The following BRD10 variants were observed in gnomAD, a reference collection of about 807,000 sequenced individuals.
BRD10 encodes the protein uncharacterized bromodomain-containing protein 10.
chr9:5,880,582 C>G, the BRD10 span, among the ~76,000 whole-genome samples: 1 of 152,148 alleles, frequency 6.6e-6, no homozygotes, highest in Non-Finnish European at 1.5e-5. Context: ...CTTAAAAAGT[C>G]TGAATTAGTT....
At chr9:5,890,681 A>G in the BRD10 span, 10 of 152,332 alleles carry the variant, frequency 6.6e-5, 1 homozygote, top group African/African-American at 2.4e-4. Context: ...TTTAAAATAA[A>G]TGGCTTCCCT....
At chr9:5,919,174 T>G in the BRD10 span, 49 of 153,238 alleles carry the variant, frequency 3.2e-4, 1 homozygote, top group African/African-American at 1.1e-3. Flanking sequence ...TTAGTACAGG[T>G]TGTTAGGGAT....
the BRD10 span, among the ~76,000 whole-genome samples, chr9:5,956,785 A>G: frequency 6.6e-6 from 1 of 152,158 alleles, no homozygotes; most frequent in East Asian, 1.9e-4. Flanking sequence ...TGTAATACTT[A>G]ACTTAGAGTA....
chr9:5,937,941 A>G, the BRD10 span, among the ~76,000 whole-genome samples: 1 of 152,190 alleles, frequency 6.6e-6, no homozygotes, highest in Admixed American at 6.5e-5. Flanking sequence ...ATTTCCTATC[A>G]TCTAGGTCCC....
the BRD10 span, chr9:5,921,618 T>C: frequency 3.1e-6 from 5 of 1,614,018 alleles, no homozygotes; most frequent in Non-Finnish European, 4.2e-6. Context: ...TCTCCATTTG[T>C]TGCTGCTGTT....
At chr9:5,951,859 T>C in the BRD10 span, among the ~76,000 whole-genome samples, 4 of 152,108 alleles carry the variant, frequency 2.6e-5, no homozygotes, top group African/African-American at 9.7e-5. Flanking sequence ...TCTTTATGAG[T>C]AATGCCGTGG....
At chr9:5,955,939 G>T in the BRD10 span, among the ~76,000 whole-genome samples, 3 of 151,926 alleles carry the variant, frequency 2.0e-5, no homozygotes, top group African/African-American at 2.4e-5. Context: ...TGCTGAAGGG[G>T]GCTCATGAAT....
chr9:5,882,358 C>A, the BRD10 span, among the ~76,000 whole-genome samples: 1 of 152,140 alleles, frequency 6.6e-6, no homozygotes, highest in African/African-American at 2.4e-5. Context: ...ACACTTTATG[C>A]CTGAGCAAGG....
chr9:5,995,717 G>C, the BRD10 span, among the ~76,000 whole-genome samples: 1 of 152,120 alleles, frequency 6.6e-6, no homozygotes, highest in African/African-American at 2.4e-5. Context: ...ACTTGAATTG[G>C]ACTTTGCAGA....
chr9:6,008,033 C>T, the BRD10 span: 3 of 1,166,550 alleles, frequency 2.6e-6, no homozygotes, highest in South Asian at 8.0e-5. Context: ...CCCTCCTCTC[C>T]CCTCCCCCCC....
At chr9:5,991,063 C>T in the BRD10 span, among the ~76,000 whole-genome samples, 1 of 152,040 alleles carries the variant, frequency 6.6e-6, no homozygotes, top group Non-Finnish European at 1.5e-5. Flanking sequence ...TATATGTATT[C>T]ACTGTTAAAG....
chr9:5,908,890 A>G, the BRD10 span: 1 of 574,066 alleles, frequency 1.7e-6, no homozygotes, highest in Admixed American at 3.2e-5. Flanking sequence ...TGAGGAAATG[A>G]TGAGAAATAT....
chr9:6,005,238 C>T, the BRD10 span, among the ~76,000 whole-genome samples: 2 of 152,286 alleles, frequency 1.3e-5, no homozygotes, highest in Non-Finnish European at 2.9e-5. Flanking sequence ...AGGCCGGGCG[C>T]GGTGGCTAGG....
chr9:6,008,427 A>G, the BRD10 span, among the ~76,000 whole-genome samples: 1 of 151,756 alleles, frequency 6.6e-6, no homozygotes, highest in Non-Finnish European at 1.5e-5. Flanking sequence ...GGCTGGGAAG[A>G]GCTGTGGAGA....
At chr9:5,943,594 A>C in the BRD10 span, among the ~76,000 whole-genome samples, 9 of 152,096 alleles carry the variant, frequency 5.9e-5, no homozygotes, top group Admixed American at 2.6e-4. Flanking sequence ...CATTTACATA[A>C]CATAAATATT....
chr9:5,897,456 G>A, the BRD10 span: 1 of 1,058,948 alleles, frequency 9.4e-7, no homozygotes, highest in Non-Finnish European at 1.5e-6. Flanking sequence ...TGCTGCTCTG[G>A]GTCGTCAAAG....
At chr9:6,007,675 G>T in the BRD10 span, 59 of 1,608,650 alleles carry the variant, frequency 3.7e-5, no homozygotes, top group Non-Finnish European at 4.7e-5. Context: ...CGGCCCTGAG[G>T]TCTGGGCCGC....
At chr9:5,990,790 T>G in the BRD10 span, among the ~76,000 whole-genome samples, 10 of 152,208 alleles carry the variant, frequency 6.6e-5, no homozygotes, top group Non-Finnish European at 1.5e-4. Flanking sequence ...TTAGTAGAAG[T>G]GTAAACTGGC....
the BRD10 span, among the ~76,000 whole-genome samples, chr9:5,901,131 T>TA: frequency 1.8e-3 from 271 of 148,132 alleles, no homozygotes; most frequent in Middle Eastern, 6.9e-3. Flanking sequence ...GTGAGAGGCT[T>TA]AAAAAAAAAA....
Sources: gnomAD v4.1 joint callset for allele counts (sites outside exome capture counted in the v4.1 genomes callset) on GRCh38, gnomAD v4.1.1 for gene constraint, MANE v1.5 for transcripts, NCBI Gene and HGNC (gene_info 2026-07-23, HGNC 2026-07-21) for gene names.